The following IQCK variants were observed in gnomAD, a reference collection of about 807,000 sequenced individuals.
IQCK encodes IQ motif containing K, also known as IQ domain-containing protein K.
In IQCK, 29 loss-of-function variants were observed where a neutral mutation model predicts 28.1. That is an observed-to-expected ratio of 1.03 (90% CI 0.77 to 1.41). The LOEUF (loss-of-function observed/expected upper bound fraction) is 1.41, where lower values mean the gene tolerates loss of function less well. Ranked by LOEUF, IQCK falls within the 40% of genes most tolerant of loss-of-function variation. The pLI, the probability that IQCK is intolerant of heterozygous loss-of-function variation, is 0.00. For missense variants in IQCK, 359 were observed against 314.7 expected (o/e 1.14, Z -1.07); for synonymous variants, 113 against 115.1 (o/e 0.98, Z 0.12).
At chr16:19,823,196 G>C (rs918278104) in intron 7 of IQCK, among the ~76,000 whole-genome samples, 7 of 152,148 alleles carry the variant, frequency 4.6e-5, no homozygotes, top group Non-Finnish European at 8.8e-5. Flanking sequence ...ACCAAGGTAG[G>C]AAGTCCCAAG....
At chr16:19,729,635 ATTTATTTATTTATTT>A (rs948592347) in intron 1 of IQCK, among the ~76,000 whole-genome samples, 5 of 150,846 alleles carry the variant, frequency 3.3e-5, no homozygotes, top group Non-Finnish European at 5.9e-5. Flanking sequence ...ATTTTATTTT[ATTTATTTATTTATTT>A]TTTATTTTTT....
rs1567561723 is a variant in IQCK, at chr16:19,799,635, CACACA to C, written c.690+10714_690+10718del. The stretch of plus-strand genomic sequence containing the variant: ...ACACACACACACACACACACACACA[CACACA>C]CCCAGTGAATACATTGAGTCATAAC... On this transcript the variant is annotated intron_variant, in intron 7 of 7. Transcript: ENST00000564186. Among the ~76,000 whole-genome samples, 70 of 139,800 alleles carry C rather than the reference CACACA, an allele frequency of 5.0e-4. 8 individuals are homozygous for C. The highest frequency in any genetic ancestry group is 2.2e-3 in the African/African-American group (67 of 30,998). 91.7% of individuals were successfully genotyped at this position (139,800 alleles called of 152,430 possible). A position where few individuals can be genotyped will look rare whatever the true frequency, so the allele number is the denominator to read the frequency against.
At chr16:19,783,499 T>C (rs1285371178) in intron 6 of IQCK, among the ~76,000 whole-genome samples, 1 of 152,158 alleles carries the variant, frequency 6.6e-6, no homozygotes, top group Non-Finnish European at 1.5e-5. Flanking sequence ...CCTTCTGTGA[T>C]TGACGTGTTC....
At chr16:19,847,620 T>C (rs1441048607) in intron 9 of IQCK, among the ~76,000 whole-genome samples, 1 of 152,224 alleles carries the variant, frequency 6.6e-6, no homozygotes, top group Non-Finnish European at 1.5e-5. Flanking sequence ...CTGAACATTA[T>C]GTCTGGGAGA....
intron 9 of IQCK, among the ~76,000 whole-genome samples, chr16:19,845,545 C>T (rs1385266833): frequency 6.6e-6 from 1 of 152,184 alleles, no homozygotes; most frequent in Non-Finnish European, 1.5e-5. Flanking sequence ...CAGATGGTGG[C>T]TGTTTAAACT....
chr16:19,738,876 A>G (rs1269353156), intron 4 of IQCK, among the ~76,000 whole-genome samples: 2 of 152,122 alleles, frequency 1.3e-5, no homozygotes, highest in African/African-American at 4.8e-5. Context: ...TGATCTCGCA[A>G]GGAGGGTTTG....
At chr16:19,753,052 C>CAGAGAGAG (rs111298371) in intron 4 of IQCK, among the ~76,000 whole-genome samples, 1 of 148,590 alleles carries the variant, frequency 6.7e-6, no homozygotes, top group South Asian at 2.1e-4. Context: ...TCAAGTGTAG[C>CAGAGAGAG]AGAGAGAGAG....
intron 9 of IQCK, among the ~76,000 whole-genome samples, chr16:19,838,261 T>A (rs2056321655): frequency 6.6e-6 from 1 of 152,036 alleles, no homozygotes; most frequent in South Asian, 2.1e-4. Context: ...GAAAGCGAGG[T>A]GGGATCACTG....
rs776790614 is a variant in IQCK at position 19,827,087 on chromosome 16, A to G, written c.752A>G (p.Lys251Arg). The change falls in exon 8 of 8, where the codon AAG becomes AGG. Residue 251 changes from lysine (K) to arginine (R), a missense_variant. Physicochemically the swap from Lys to Arg is conservative, Grantham distance 26 (BLOSUM62 2). Coordinates refer to ENST00000564186, the Ensembl canonical transcript of IQCK. ...TGGCAGAAGAAACTTCGCGAGGCCAAGCACATTCACCAGCAAGTCAAAATT... is the reference window on the plus strand; with the variant it reads ...TGGCAGAAGAAACTTCGCGAGGCCAGGCACATTCACCAGCAAGTCAAAATT... 15 of 1,614,004 alleles carry G rather than the reference A, an allele frequency of 9.3e-6. No individual in the cohort carries two copies. In the African/African-American group the frequency reaches 1.9e-4, roughly 20 times the overall value.
chr16:19,804,509 C>T (rs947397020), intron 7 of IQCK, among the ~76,000 whole-genome samples: 2 of 151,952 alleles, frequency 1.3e-5, no homozygotes, highest in South Asian at 2.1e-4. Context: ...GCAATCTCAC[C>T]CTACTGCAAC....
chr16:19,848,606 G>A (rs530783800), intron 9 of IQCK, among the ~76,000 whole-genome samples: 2 of 152,288 alleles, frequency 1.3e-5, no homozygotes, highest in African/African-American at 4.8e-5. Flanking sequence ...CCTTCTTCAT[G>A]TGCCACATAC....
intron 1 of IQCK, among the ~76,000 whole-genome samples, chr16:19,722,810 A>G (rs1977536892): frequency 6.6e-6 from 1 of 151,424 alleles, no homozygotes; most frequent in African/African-American, 2.4e-5. Context: ...TCCACCTCCC[A>G]GGTTCAAGCA....
At chr16:19,727,597 C>G (rs182282558) in intron 1 of IQCK, among the ~76,000 whole-genome samples, 1 of 122,872 alleles carries the variant, frequency 8.1e-6, no homozygotes, top group Non-Finnish European at 1.8e-5. Flanking sequence ...CCCCCCCCCC[C>G]AAAAAAAAAG....
chr16:19,775,362 A>G (rs940278873), intron 6 of IQCK, among the ~76,000 whole-genome samples: 11 of 152,180 alleles, frequency 7.2e-5, no homozygotes, highest in African/African-American at 2.4e-4. Context: ...ACCCCTCATA[A>G]CATAAGCAGC....
chr16:19,814,289 CA>C (rs1192545927), intron 7 of IQCK, among the ~76,000 whole-genome samples: 1 of 150,078 alleles, frequency 6.7e-6, no homozygotes, highest in Admixed American at 6.7e-5. Flanking sequence ...CCTGTAATCC[CA>C]GCTACTCAGG....
intron 7 of IQCK, among the ~76,000 whole-genome samples, chr16:19,804,685 T>A (rs901545442): frequency 2.0e-5 from 3 of 152,138 alleles, no homozygotes; most frequent in Middle Eastern, 3.4e-3. Context: ...TCCCTCCGCC[T>A]CCCAAAGTGT....
rs1315363222 is a variant in IQCK, at chr16:19,739,366, C to T, written c.474+3916C>T. Among the ~76,000 whole-genome samples, 3 of 152,134 alleles carry T rather than the reference C, an allele frequency of 2.0e-5. No individual in the cohort carries two copies. The East Asian group carries it at 5.8e-4, about 29-fold the overall frequency. On this transcript the variant is annotated intron_variant, in intron 4 of 7. Coordinates refer to ENST00000564186, the Ensembl canonical transcript of IQCK. ...ATAATGATCAGATCCCTTATTTTCA[C>T]TAACAAGAGAGGGCACTCTGCTGAT... is the stretch of plus-strand genomic sequence containing the variant.
chr16:19,742,501 T>C (rs577374798), intron 4 of IQCK, among the ~76,000 whole-genome samples: 1 of 152,260 alleles, frequency 6.6e-6, no homozygotes, highest in Non-Finnish European at 1.5e-5. Flanking sequence ...TTGATTCAGC[T>C]GTTCCTCACA....
intron 4 of IQCK, among the ~76,000 whole-genome samples, chr16:19,748,640 C>G (rs1024134154): frequency 6.6e-6 from 1 of 152,132 alleles, no homozygotes; most frequent in African/African-American, 2.4e-5. Flanking sequence ...CCCATGGCCT[C>G]TTCTGGTTGA....
Sources: gnomAD v4.1 joint callset for allele counts (sites outside exome capture counted in the v4.1 genomes callset) on GRCh38, gnomAD v4.1.1 for gene constraint, MANE v1.5 for transcripts, NCBI Gene and HGNC (gene_info 2026-07-23, HGNC 2026-07-21) for gene names.